Variants in GPC3 observed in about 807,000 individuals in gnomAD.
The protein encoded by GPC3 is glypican-3.
A neutral mutation model predicts 34.4 loss-of-function variants in GPC3; 3 were observed. The observed-to-expected ratio is 0.09, with a 90% CI of 0.04 to 0.23. GPC3 has a LOEUF of 0.23. Ranked by LOEUF, GPC3 falls within the 10% of genes least tolerant of loss-of-function variation. The probability of loss-of-function intolerance (pLI) is 1.00; values close to 1 mark genes in which losing one functional copy is unlikely to be tolerated. For synonymous variants in GPC3, 177 were observed against 174.0 expected (o/e 1.02, Z -0.13); for missense variants, 351 against 445.6 (o/e 0.79, Z 1.91).
intron 2 of GPC3, among the ~76,000 whole-genome samples, chrX:133,887,566 C>T (rs1158584008): frequency 8.9e-6 from 1 of 112,007 alleles, no homozygotes; most frequent in Non-Finnish European, 1.9e-5. Flanking sequence ...CTCATATACT[C>T]TGGATATTAA....
chrX:133,927,461 A>C (rs989916663), intron 2 of GPC3, among the ~76,000 whole-genome samples: 7 of 110,011 alleles, frequency 6.4e-5, no homozygotes, highest in African/African-American at 2.3e-4. Context: ...AGAGTGAGGG[A>C]TAAAGGGGGG....
At chrX:133,724,498 T>C (rs1353800657) in intron 3 of GPC3, among the ~76,000 whole-genome samples, 1 of 111,720 alleles carries the variant, frequency 9.0e-6, no homozygotes, top group Non-Finnish European at 1.9e-5. Flanking sequence ...AGACTTTGCT[T>C]GAAATGTATC....
chrX:133,932,105 A>G (rs1038095699), intron 2 of GPC3, among the ~76,000 whole-genome samples: 1 of 112,290 alleles, frequency 8.9e-6, no homozygotes, highest in Admixed American at 9.4e-5. Flanking sequence ...CAGAAAGCTC[A>G]GTGTATATAA....
intron 2 of GPC3, among the ~76,000 whole-genome samples, chrX:133,800,761 A>G (rs2075605306): frequency 8.9e-6 from 1 of 111,738 alleles, no homozygotes; most frequent in South Asian, 3.8e-4. Context: ...CCAATTTGAG[A>G]AAAAAACAGT....
At chrX:133,929,490 C>T (rs1423624372) in intron 2 of GPC3, among the ~76,000 whole-genome samples, 1 of 111,939 alleles carries the variant, frequency 8.9e-6, no homozygotes, top group Non-Finnish European at 1.9e-5. Context: ...TGAAGTAGTC[C>T]AGCCAGGCCT....
intron 2 of GPC3, among the ~76,000 whole-genome samples, chrX:133,792,626 G>A (rs1426484453): frequency 2.7e-5 from 3 of 110,997 alleles, no homozygotes; most frequent in African/African-American, 9.8e-5. Flanking sequence ...ACCAGAGGGC[G>A]GTATACCCAC....
At chrX:133,856,117 C>T (rs2075899961) in intron 2 of GPC3, among the ~76,000 whole-genome samples, 1 of 112,089 alleles carries the variant, frequency 8.9e-6, no homozygotes, top group South Asian at 3.7e-4. Context: ...GATTTCATTT[C>T]CTTTGGGCAT....
chrX:133,614,298 A>G (rs2070138434), intron 6 of GPC3, among the ~76,000 whole-genome samples: 1 of 111,795 alleles, frequency 8.9e-6, no homozygotes, highest in Admixed American at 9.5e-5. Context: ...AAAGAGATCC[A>G]CACCTATGTA....
chrX:133,640,189 G>A (rs1338162154), intron 6 of GPC3, among the ~76,000 whole-genome samples: 1 of 111,679 alleles, frequency 9.0e-6, no homozygotes, highest in Non-Finnish European at 1.9e-5. Context: ...TGGTTTCTTT[G>A]TTCCTTTCTA....
intron 6 of GPC3, among the ~76,000 whole-genome samples, chrX:133,648,663 A>G (rs962014673): frequency 9.0e-6 from 1 of 110,962 alleles, no homozygotes; most frequent in Admixed American, 9.6e-5. Context: ...GGCCCTCCCA[A>G]ATTTTTTACC....
At chrX:133,729,119 C>T (rs140066036) in intron 3 of GPC3, among the ~76,000 whole-genome samples, 1,463 of 110,929 alleles carry the variant, frequency 0.013, 27 homozygotes, top group African/African-American at 0.045. Flanking sequence ...CACCATGTTA[C>T]CCTCTTGCTG....
At chrX:133,938,645 A>G (rs1242717659) in intron 2 of GPC3, among the ~76,000 whole-genome samples, 1 of 112,200 alleles carries the variant, frequency 8.9e-6, no homozygotes, top group East Asian at 2.8e-4. Flanking sequence ...TCAAATTAAC[A>G]GAGCCCAAGT....
chrX:133,765,240 T>C (rs1033132332), intron 2 of GPC3, among the ~76,000 whole-genome samples: 2 of 112,348 alleles, frequency 1.8e-5, no homozygotes, highest in African/African-American at 6.5e-5. Flanking sequence ...CCAAAAAAAA[T>C]CACTAACATA....
intron 6 of GPC3, among the ~76,000 whole-genome samples, chrX:133,605,773 C>T (rs1483406077): frequency 9.0e-6 from 1 of 111,510 alleles, no homozygotes; most frequent in African/African-American, 3.3e-5. Flanking sequence ...AGTAATACTC[C>T]ATGGCCACAC....
chrX:133,952,912 A>C (rs942964287), intron 2 of GPC3, 138 bp downstream of exon 2: 2 of 582,537 alleles, frequency 3.4e-6, no homozygotes, highest in Non-Finnish European at 5.7e-6. Flanking sequence ...TTAAACCAGA[A>C]TTTCTCACTG....
At chrX:133,773,512 T>A (rs1409263636) in intron 2 of GPC3, among the ~76,000 whole-genome samples, 1 of 112,037 alleles carries the variant, frequency 8.9e-6, no homozygotes, top group African/African-American at 3.2e-5. Context: ...GAACAAAATG[T>A]CTTGGAAAAG....
chrX:133,697,998 A>G (rs2071132430), intron 4 of GPC3, among the ~76,000 whole-genome samples: 1 of 112,229 alleles, frequency 8.9e-6, no homozygotes, highest in African/African-American at 3.2e-5. Context: ...GGGTGGAGGG[A>G]ACTGTGTGAC....
At chrX:133,779,830 T>C (rs1266919632) in intron 2 of GPC3, among the ~76,000 whole-genome samples, 1 of 111,205 alleles carries the variant, frequency 9.0e-6, no homozygotes, top group Non-Finnish European at 1.9e-5. Flanking sequence ...GTCCTGACTA[T>C]CCCCACCCCC....
intron 2 of GPC3, among the ~76,000 whole-genome samples, chrX:133,933,840 C>T (rs188928883): frequency 4.5e-4 from 48 of 107,790 alleles, no homozygotes; most frequent in African/African-American, 1.5e-3. Flanking sequence ...AACTGTGGGC[C>T]AATTAAACCT....
Sources: allele counts gnomAD v4.1 joint callset (sites outside exome capture counted in the v4.1 genomes callset), GRCh38; gene constraint gnomAD v4.1.1; transcripts MANE v1.5; gene names NCBI Gene and HGNC (gene_info 2026-07-23, HGNC 2026-07-21).